Variants in KCNMA1 observed in about 807,000 individuals in gnomAD.
KCNMA1 encodes the protein potassium calcium-activated channel subfamily M alpha 1.
Under a neutral mutation model 140.0 loss-of-function variants are expected in KCNMA1, and 29 were observed. That is an observed-to-expected ratio of 0.21 (90% CI 0.15 to 0.28). The LOEUF (loss-of-function observed/expected upper bound fraction) is 0.28. KCNMA1 is among the 10% of genes least tolerant of loss of function. The pLI is 1.00. For missense variants in KCNMA1, 880 were observed against 1,602.2 expected (o/e 0.55, Z 7.70); for synonymous variants, 612 against 611.9 (o/e 1.00, Z 0.00).
At chr10:77,484,647 T>C (rs906811831) in intron 1 of KCNMA1, among the ~76,000 whole-genome samples, 1 of 152,184 alleles carries the variant, frequency 6.6e-6, no homozygotes, top group Non-Finnish European at 1.5e-5. Context: ...TGCCTGTGTA[T>C]CTCCATGGTT....
intron 2 of KCNMA1, among the ~76,000 whole-genome samples, chr10:77,368,453 T>C (rs2094495615): frequency 6.6e-6 from 1 of 152,234 alleles, no homozygotes; most frequent in Non-Finnish European, 1.5e-5. Flanking sequence ...CCTTCTGTAA[T>C]ATATGTGATT....
At chr10:77,167,148 A>C (rs1382894798) in intron 5 of KCNMA1, among the ~76,000 whole-genome samples, 1 of 152,082 alleles carries the variant, frequency 6.6e-6, no homozygotes, top group African/African-American at 2.4e-5. Flanking sequence ...TCCCTGCCTC[A>C]GATAACTACC....
chr10:77,183,275 C>T, intron 5 of KCNMA1, 146 bp downstream of exon 5: 1 of 698,256 alleles, frequency 1.4e-6, no homozygotes, highest in South Asian at 1.6e-5. Flanking sequence ...CTGCCACCAT[C>T]AACTTCTAAA....
intron 6 of KCNMA1, among the ~76,000 whole-genome samples, chr10:77,117,558 A>AAG (rs1345336435): frequency 6.6e-6 from 1 of 150,534 alleles, no homozygotes; most frequent in Non-Finnish European, 1.5e-5. Context: ...AAAAAAAAAA[A>AAG]AAAAAAAGAA....
rs190617320 is a variant in KCNMA1, at chr10:77,504,097, A to G, written c.379-100074T>C. 3.5e-3 allele frequency among the ~76,000 whole-genome samples: 530 copies of G among 152,128 alleles called. 3 individuals are homozygous for G. Among genetic ancestry groups the G allele is most frequent in the Non-Finnish European group, 3.5e-3 (235 of 67,992 alleles). On this transcript the variant is annotated intron_variant, in intron 1 of 27. Transcript: ENST00000286628. The stretch of plus-strand genomic sequence containing the variant: ...ATCTCCATCAGCTGACGTGTTCCCA[A>G]TTGTCCTTTCTTGGTTATCTGCCTG...
chr10:77,125,531 G>A (rs2097713266), intron 5 of KCNMA1, among the ~76,000 whole-genome samples: 1 of 152,138 alleles, frequency 6.6e-6, no homozygotes, highest in Non-Finnish European at 1.5e-5. Context: ...CTTGATCAGC[G>A]TGACTTTCCC....
chr10:77,334,725 G>A (rs1431314261), intron 2 of KCNMA1, among the ~76,000 whole-genome samples: 4 of 152,050 alleles, frequency 2.6e-5, no homozygotes, highest in Admixed American at 2.6e-4. Flanking sequence ...GGTTGAACCA[G>A]TTCTGTCTGA....
At chr10:77,408,156 AG>A (rs1283825437) in intron 1 of KCNMA1, among the ~76,000 whole-genome samples, 2 of 152,170 alleles carry the variant, frequency 1.3e-5, no homozygotes, top group Non-Finnish European at 2.9e-5. Context: ...GAGAACGCTG[AG>A]GACCAGGGAG....
chr10:77,219,945 T>C (rs2049049401), intron 3 of KCNMA1, among the ~76,000 whole-genome samples: 2 of 152,340 alleles, frequency 1.3e-5, no homozygotes, highest in Middle Eastern at 3.4e-3. Flanking sequence ...TATCTTCTCA[T>C]TATCCTCATA....
At chr10:77,200,519 G>A (rs2042118903) in intron 3 of KCNMA1, among the ~76,000 whole-genome samples, 1 of 152,072 alleles carries the variant, frequency 6.6e-6, no homozygotes. Flanking sequence ...GAGGGGATTA[G>A]GTCCACAGTA....
intron 19 of KCNMA1, among the ~76,000 whole-genome samples, chr10:76,992,945 T>G (rs2083204097): frequency 6.6e-6 from 1 of 152,154 alleles, no homozygotes; most frequent in East Asian, 1.9e-4. Flanking sequence ...CACTTTATTA[T>G]TTTCCCCCCA....
intron 1 of KCNMA1, among the ~76,000 whole-genome samples, chr10:77,443,196 G>C (rs2097447404): frequency 6.6e-6 from 1 of 152,160 alleles, no homozygotes; most frequent in African/African-American, 2.4e-5. Flanking sequence ...CCCTCCCAGG[G>C]GCCTACATAT....
rs199764115 is a variant in KCNMA1 at position 76,884,940 on chromosome 10, G to T, written c.*2326C>A. On this transcript the variant is annotated 3_prime_UTR_variant, in exon 28 of 28. Transcript: ENST00000286628. ...TTTTCACAAGGACAACGTTATAGAAGAAAACCCCCAGCAGTGGCTAGGTCA... is the reference window on the plus strand; with the variant it reads ...TTTTCACAAGGACAACGTTATAGAATAAAACCCCCAGCAGTGGCTAGGTCA... 1.6e-5 allele frequency: 24 copies of T among 1,517,626 alleles called. No homozygotes were observed. The highest frequency in any genetic ancestry group is 3.4e-4 in the Middle Eastern group (2 of 5,878). 94.0% of individuals were successfully genotyped at this position (1,517,626 alleles called of 1,614,324 possible).
intron 1 of KCNMA1, among the ~76,000 whole-genome samples, chr10:77,599,764 C>T (rs1320475849): frequency 6.6e-6 from 1 of 152,116 alleles, no homozygotes; most frequent in African/African-American, 2.4e-5. Context: ...GGGGATGCCT[C>T]TACCCAATAC....
intron 1 of KCNMA1, among the ~76,000 whole-genome samples, chr10:77,440,225 T>C (rs907047521): frequency 2.0e-5 from 3 of 152,112 alleles, no homozygotes; most frequent in Admixed American, 2.0e-4. Context: ...GAAAGAGGCA[T>C]ACTAAGGAGC....
intron 14 of KCNMA1, among the ~76,000 whole-genome samples, chr10:77,066,491 A>C (rs1280033447): frequency 6.6e-6 from 1 of 152,200 alleles, no homozygotes; most frequent in Non-Finnish European, 1.5e-5. Flanking sequence ...AAGGAATTCG[A>C]TTGTGGAATG....
intron 1 of KCNMA1, chr10:77,636,125 C>A (rs2093696186): frequency 1.9e-6 from 2 of 1,041,294 alleles, no homozygotes; most frequent in Non-Finnish European, 2.6e-6. Flanking sequence ...GATTTCCCTT[C>A]CCTCCAAAAC....
chr10:77,518,562 G>T (rs936423804), intron 1 of KCNMA1, among the ~76,000 whole-genome samples: 2 of 152,180 alleles, frequency 1.3e-5, no homozygotes, highest in Non-Finnish European at 2.9e-5. Flanking sequence ...CTGAGGGAAG[G>T]GGACAGGGCC....
intron 1 of KCNMA1, among the ~76,000 whole-genome samples, chr10:77,414,001 C>G (rs554785004): frequency 1.1e-4 from 16 of 152,324 alleles, no homozygotes; most frequent in African/African-American, 3.6e-4. Context: ...GGTGCCCTGT[C>G]CAGATTCTCA....
Sources: gnomAD v4.1 joint callset for allele counts (sites outside exome capture counted in the v4.1 genomes callset) on GRCh38, gnomAD v4.1.1 for gene constraint, MANE v1.5 for transcripts, NCBI Gene and HGNC (gene_info 2026-07-23, HGNC 2026-07-21) for gene names.